Variants in ITGA1 observed in about 807,000 individuals in gnomAD.
The protein encoded by ITGA1 is integrin alpha-1.
ITGA1 carries 85 observed loss-of-function variants against 145.9 expected under a neutral mutation model. That is an observed-to-expected ratio of 0.58 (90% CI 0.49 to 0.70). The LOEUF is 0.70. ITGA1 is among the 30% of genes least tolerant of loss of function. The pLI is 0.00. For synonymous variants in ITGA1, 520 were observed against 495.3 expected (o/e 1.05, Z -0.66); for missense variants, 1,351 against 1,418.7 (o/e 0.95, Z 0.77).
At chr5:52,799,945 ACCACTCT>A (rs1318761720) in intron 1 of ITGA1, 2 of 186,382 alleles carry the variant, frequency 1.1e-5, no homozygotes, top group African/African-American at 4.8e-5. Flanking sequence ...AGGACTCGCC[ACCACTCT>A]GTGCACCTTC....
chr5:52,856,023 G>A (rs1024840274), intron 2 of ITGA1, among the ~76,000 whole-genome samples: 4 of 152,086 alleles, frequency 2.6e-5, no homozygotes, highest in African/African-American at 9.7e-5. Context: ...AATAGGCCGT[G>A]GTTGAGATTG....
At chr5:52,815,889 T>A (rs72756543) in intron 1 of ITGA1, among the ~76,000 whole-genome samples, 1 of 152,070 alleles carries the variant, frequency 6.6e-6, no homozygotes, top group Non-Finnish European at 1.5e-5. Flanking sequence ...GTTTATAATC[T>A]TAATAAATTA....
At chr5:52,917,765 TTAA>T (rs1750669401) in intron 15 of ITGA1, among the ~76,000 whole-genome samples, 1 of 152,238 alleles carries the variant, frequency 6.6e-6, no homozygotes, top group Admixed American at 6.5e-5. Flanking sequence ...GTACTAAATG[TTAA>T]TGATGATTAT....
chr5:52,897,337 A>G, intron 9 of ITGA1, 118 bp from the exon 10 acceptor site: 1 of 680,152 alleles, frequency 1.5e-6, no homozygotes, highest in South Asian at 1.9e-5. Context: ...ATGCCCTAAG[A>G]TGTTTGAAGT....
intron 1 of ITGA1, among the ~76,000 whole-genome samples, chr5:52,839,972 T>C (rs1356392013): frequency 3.3e-5 from 5 of 152,142 alleles, no homozygotes; most frequent in African/African-American, 7.2e-5. Context: ...TGTTAAATAG[T>C]ATAGGAGAAT....
intron 1 of ITGA1, among the ~76,000 whole-genome samples, chr5:52,847,024 T>A (rs1749348223): frequency 6.6e-6 from 1 of 152,142 alleles, no homozygotes; most frequent in South Asian, 2.1e-4. Context: ...TAGATTTTGA[T>A]AAAGGATTAA....
At chr5:52,825,919 G>GA (rs33949308) in intron 1 of ITGA1, among the ~76,000 whole-genome samples, 111 of 124,552 alleles carry the variant, frequency 8.9e-4, no homozygotes, top group South Asian at 1.9e-3. Flanking sequence ...CTCTGTCAAA[G>GA]AAAAAAAAAA....
chr5:52,909,146 A>G, intron 13 of ITGA1, 105 bp downstream of exon 13: 2 of 1,198,000 alleles, frequency 1.7e-6, no homozygotes, highest in Non-Finnish European at 2.3e-6. Flanking sequence ...AACAGAGCAA[A>G]GAAGCTATCA....
chr5:52,926,920 C>CA (rs1750820148), intron 19 of ITGA1, among the ~76,000 whole-genome samples: 2 of 151,980 alleles, frequency 1.3e-5, no homozygotes, highest in African/African-American at 4.8e-5. Context: ...TGCAGAGATG[C>CA]GAAGATAAAA....
intron 26 of ITGA1, among the ~76,000 whole-genome samples, chr5:52,943,856 G>A (rs1324975541): frequency 6.6e-6 from 1 of 152,102 alleles, no homozygotes; most frequent in Admixed American, 6.5e-5. Context: ...GGGTCTCCAG[G>A]ACACCCCGCA....
At chr5:52,845,952 G>C (rs1296705234) in intron 1 of ITGA1, among the ~76,000 whole-genome samples, 1 of 152,144 alleles carries the variant, frequency 6.6e-6, no homozygotes, top group Non-Finnish European at 1.5e-5. Context: ...TCTGCAAACT[G>C]TGTCCTTAGG....
chr5:52,822,248 C>T (rs1748890312), intron 1 of ITGA1, among the ~76,000 whole-genome samples: 1 of 152,156 alleles, frequency 6.6e-6, no homozygotes, highest in African/African-American at 2.4e-5. Flanking sequence ...GAAATCAAGG[C>T]TCAGAGGAGA....
intron 1 of ITGA1, chr5:52,801,209 A>G: frequency 7.5e-7 from 1 of 1,331,920 alleles, no homozygotes; most frequent in Non-Finnish European, 1.0e-6. Flanking sequence ...GAAAAATAAG[A>G]AGAGAAAGTC....
At chr5:52,848,546 G>T (rs1214719028) in intron 1 of ITGA1, among the ~76,000 whole-genome samples, 1 of 152,034 alleles carries the variant, frequency 6.6e-6, no homozygotes, top group Non-Finnish European at 1.5e-5. Flanking sequence ...GTTCTTTAAA[G>T]TCATTATGGT....
rs890558569 is a variant in ITGA1, at chr5:52,947,439, T to C, written c.3473T>C (p.Leu1158Pro). ...SAFAGLLLLM[L>P]LILALWKIGF... ...TTTGCCGGATTGTTGCTGTTAATGC[T>C]GCTCATTTTAGCACTGTGGAAGGTA... The change falls in exon 28 of 29, where the codon CTG (leucine) becomes CCG (proline). Residue 1158 changes from leucine to proline, a missense_variant. Physicochemically the swap from Leu to Pro is moderately conservative, Grantham distance 98. Transcript: ENST00000282588. The C allele has an allele frequency of 1.2e-6, 2 of 1,612,982 alleles. No individual in the cohort carries two copies. Among genetic ancestry groups the C allele is most frequent in the Non-Finnish European group, 1.7e-6 (2 of 1,178,990 alleles).
intron 6 of ITGA1, among the ~76,000 whole-genome samples, chr5:52,867,848 G>GT (rs989575425): frequency 3.3e-5 from 5 of 151,526 alleles, no homozygotes; most frequent in African/African-American, 9.7e-5. Flanking sequence ...GTTTGCTGTT[G>GT]TTTTTTTTCT....
intron 1 of ITGA1, chr5:52,803,473 A>C (rs1029294322): frequency 6.6e-6 from 1 of 152,114 alleles, no homozygotes; most frequent in African/African-American, 2.4e-5. Flanking sequence ...TTACTCTCAT[A>C]ATCTATGCAG....
At chr5:52,820,531 AAAAG>A (rs1748861536) in intron 1 of ITGA1, among the ~76,000 whole-genome samples, 1 of 150,712 alleles carries the variant, frequency 6.6e-6, no homozygotes. Context: ...ATAAAAAAAA[AAAAG>A]AAAAAGAAAA....
At chr5:52,849,868 G>A (rs1358558532) in intron 2 of ITGA1, among the ~76,000 whole-genome samples, 1 of 152,154 alleles carries the variant, frequency 6.6e-6, no homozygotes, top group African/African-American at 2.4e-5. Context: ...TGCTCTGAAA[G>A]GGTTTAACAC....
Sources: allele counts gnomAD v4.1 joint callset (sites outside exome capture counted in the v4.1 genomes callset), GRCh38; gene constraint gnomAD v4.1.1; transcripts MANE v1.5; gene names NCBI Gene and HGNC (gene_info 2026-07-23, HGNC 2026-07-21).